HSPG2: variants seen among roughly 807,000 people sequenced by gnomAD.
The protein encoded by HSPG2 is heparan sulfate proteoglycan 2.
Under a neutral mutation model 526.6 loss-of-function variants are expected in HSPG2, and 278 were observed. The observed-to-expected ratio is 0.53, with a 90% CI of 0.48 to 0.58. HSPG2 has a LOEUF of 0.58. Among genes scored for constraint, HSPG2 ranks in the 20% least tolerant of loss-of-function variants. HSPG2 has a pLI of 0.00. For synonymous variants in HSPG2, 2,465 were observed against 2,555.4 expected (o/e 0.96, Z 1.07); for missense variants, 5,354 against 6,099.5 (o/e 0.88, Z 4.07).
intron 25 of HSPG2, 86 bp from the exon 26 acceptor site, chr1:21,875,088 G>A (rs1418183123): frequency 1.0e-6 from 1 of 981,436 alleles, no homozygotes; most frequent in Non-Finnish European, 1.6e-6. Flanking sequence ...GGTCTTATTA[G>A]TCCTCCCGAC....
At chr1:21,871,256 T>G (rs1403680016) in intron 33 of HSPG2, among the ~76,000 whole-genome samples, 10 of 89,232 alleles carry the variant, frequency 1.1e-4, no homozygotes, top group African/African-American at 3.6e-4. Context: ...GGCAGAGTAT[T>G]TGTTTTTTTT....
At position 21,833,514 on chromosome 1, in the gene HSPG2, G is replaced by A. The variant is rs1391432871; in HGVS notation, c.10931C>T (p.Thr3644Ile). 19 of 1,614,210 alleles carry A rather than the reference G, an allele frequency of 1.2e-5. No individual in the cohort carries two copies. The highest frequency in any genetic ancestry group is 1.6e-5 in the Non-Finnish European group (19 of 1,180,022). The change falls in exon 79 of 97, where the codon ACT becomes ATT. Residue 3644 changes from threonine to isoleucine, a missense_variant. Physicochemically the swap from Thr to Ile is moderately conservative, Grantham distance 89. Transcript: ENST00000374695. ...GGCTTTGACCTTGCCCTGGCGGTTA[G>A]TGGCGGTGCAGACGTAGGTACCTGC... ...QDAGTYVCTA[T>I]NRQGKVKAFA...
At chr1:21,881,235 T>A in intron 14 of HSPG2, 104 bp downstream of exon 14, 1 of 1,370,688 alleles carries the variant, frequency 7.3e-7, no homozygotes, top group Non-Finnish European at 1.0e-6. Flanking sequence ...CGGGGCATGG[T>A]AACACCTTTC....
intron 1 of HSPG2, among the ~76,000 whole-genome samples, chr1:21,923,677 T>G (rs954812544): frequency 6.6e-6 from 1 of 152,208 alleles, no homozygotes; most frequent in Non-Finnish European, 1.5e-5. Context: ...CCTGAAATCC[T>G]GCTATAGTCC....
intron 50 of HSPG2, among the ~76,000 whole-genome samples, 197 bp downstream of exon 50, chr1:21,853,996 A>T (rs1639128003): frequency 6.6e-6 from 1 of 152,134 alleles, no homozygotes; most frequent in Non-Finnish European, 1.5e-5. Context: ...ACAGTCACTC[A>T]TAGGGAGCCC....
At chr1:21,884,217 G>A (rs989047145) in intron 13 of HSPG2, among the ~76,000 whole-genome samples, 2 of 152,264 alleles carry the variant, frequency 1.3e-5, no homozygotes, top group East Asian at 3.9e-4. Flanking sequence ...AAACAGACAC[G>A]AGATAGTGGG....
At chr1:21,922,606 C>A (rs1557833517) in intron 1 of HSPG2, among the ~76,000 whole-genome samples, 1 of 152,108 alleles carries the variant, frequency 6.6e-6, no homozygotes, top group African/African-American at 2.4e-5. Flanking sequence ...CCTGTCAGGG[C>A]ACAAGGTGGG....
intron 1 of HSPG2, among the ~76,000 whole-genome samples, chr1:21,925,347 T>C (rs1644159226): frequency 6.6e-6 from 1 of 152,214 alleles, no homozygotes; most frequent in South Asian, 2.1e-4. Context: ...GGGACCTGGA[T>C]GTAGATTTCA....
chr1:21,916,373 C>T (rs572553318), intron 1 of HSPG2, among the ~76,000 whole-genome samples: 2 of 152,020 alleles, frequency 1.3e-5, no homozygotes, highest in South Asian at 2.1e-4. Flanking sequence ...GGCGTGGTGG[C>T]GTGCACCTGT....
intron 33 of HSPG2, among the ~76,000 whole-genome samples, chr1:21,867,966 G>A (rs1448633772): frequency 6.6e-6 from 1 of 152,006 alleles, no homozygotes; most frequent in African/African-American, 2.4e-5. Context: ...CTGTCCTCAG[G>A]TGTTCTGCCT....
chr1:21,836,654 C>G, intron 75 of HSPG2, 148 bp downstream of exon 75: 1 of 729,798 alleles, frequency 1.4e-6, no homozygotes, highest in Non-Finnish European at 2.4e-6. Flanking sequence ...CACTGTACAG[C>G]TGAGAACACT....
chr1:21,855,847 G>C lies in HSPG2; in HGVS notation c.5641C>G (p.Gln1881Glu), dbSNP rs1300829806. The change falls in exon 45 of 97, where the codon CAA (glutamine) becomes GAA (glutamate). Residue 1881 changes from glutamine (Q) to glutamate (E), a missense_variant. Coordinates refer to ENST00000374695, the MANE Select transcript of HSPG2 (RefSeq NM_005529.7). ...GCGCTGCAGCGGAACTCCGCCAGTTGCCCGGGCTGCACTGTGAGCTGTGGC... is the reference window on the plus strand; with the variant it reads ...GCGCTGCAGCGGAACTCCGCCAGTTCCCCGGGCTGCACTGTGAGCTGTGGC... ...HPPQLTVQPG[Q>E]LAEFRCSATG... 1 of 1,613,062 alleles carries C rather than the reference G, an allele frequency of 6.2e-7. No individual in the cohort carries two copies.
rs2290500 is a variant in HSPG2 at position 21,850,338 on chromosome 1, C to T, written c.7294+25G>A. 289,531 of 1,600,766 alleles carry T rather than the reference C, an allele frequency of 0.18. 27,090 individuals carry two copies. Among genetic ancestry groups the T allele is most frequent in the South Asian group, 0.27 (23,759 of 89,604 alleles). The stretch of plus-strand genomic sequence containing the variant: ...GGGCCTCCCACCCTGGGTCCCCAGC[C>T]CTGCCCTCCCTGAGAGCTACTCACC... On this transcript the variant is annotated intron_variant, in intron 56 of 96. Transcript: ENST00000374695.
At chr1:21,846,625 G>A (rs368861723) in intron 62 of HSPG2, 26 bp from the exon 63 acceptor site, 81 of 1,613,024 alleles carry the variant, frequency 5.0e-5, no homozygotes, top group Middle Eastern at 4.9e-4. Context: ...TCAGTGAGTC[G>A]GCACAGCCGT....
At position 21,878,652 on chromosome 1, in the gene HSPG2, G is replaced by C. The variant is rs1473241885; in HGVS notation, c.2483C>G (p.Thr828Ser). 2 of 1,614,012 alleles carry C rather than the reference G, an allele frequency of 1.2e-6. No homozygotes were observed. Among genetic ancestry groups the C allele is most frequent in the Non-Finnish European group, 1.7e-6 (2 of 1,180,002 alleles). ...TTGGCCATCCGTGTCCAGGAAGCAA[G>C]TGTCTGAGAATCTGCAGGTATCAAG... ...YIDASRRFSDTCFLDTDGQAT... is the reference protein window; with the variant it reads ...YIDASRRFSDSCFLDTDGQAT... The change falls in exon 19 of 97, where the codon ACT becomes AGT. Residue 828 changes from threonine to serine, a missense_variant. Physicochemically the swap from Thr to Ser is moderately conservative, Grantham distance 58 (BLOSUM62 1). Coordinates refer to ENST00000374695, the MANE Select transcript of HSPG2 (RefSeq NM_005529.7).
chr1:21,929,911 G>A (rs1437429849), intron 1 of HSPG2, among the ~76,000 whole-genome samples: 2 of 152,060 alleles, frequency 1.3e-5, no homozygotes, highest in Non-Finnish European at 2.9e-5. Flanking sequence ...CCTGGGTCAC[G>A]GCCTCCTTGC....
At position 21,829,785 on chromosome 1, in the gene HSPG2, G is replaced by A. The variant is rs2097994221; in HGVS notation, c.11771-181C>T. ...CCTGCCCTTGCACACGGGGCTGGGAGGAGCTCCAATATGACAGGGGTCCTC... is the reference window on the plus strand; with the variant it reads ...CCTGCCCTTGCACACGGGGCTGGGAAGAGCTCCAATATGACAGGGGTCCTC... On this transcript the variant is annotated intron_variant, in intron 86 of 96. Coordinates refer to ENST00000374695, the MANE Select transcript of HSPG2 (RefSeq NM_005529.7). 4.3e-6 allele frequency: 3 copies of A among 704,574 alleles called. No homozygotes were observed. The South Asian group carries it at 5.4e-5, about 13-fold the overall frequency. The allele number at this position is 704,574 out of a possible 1,614,324, so 43.6% of individuals were successfully genotyped here.
rs573835318 is a variant in HSPG2 at position 21,855,444 on chromosome 1, C to G, written c.5857G>C (p.Gly1953Arg). 1.1e-5 allele frequency: 18 copies of G among 1,613,058 alleles called. No homozygotes were observed. Residue 1953 changes from glycine (G) to arginine (R), a missense_variant and splice_region_variant, in exon 47 of 97, where the codon GGC becomes CGC. Gly to Arg is a moderately radical substitution (Grantham distance 125). Transcript: ENST00000374695. ...VARAVLHVHG[G>R]GGPRVQVSPE... is the part of the protein sequence containing the mutation. ...CTCACTTGGACTCTGGGCCCACCGC[C>G]CCCTGCAGACAGAGTCCTGTGAGAA...
intron 1 of HSPG2, among the ~76,000 whole-genome samples, chr1:21,926,650 C>G (rs986673674): frequency 6.7e-6 from 1 of 150,210 alleles, no homozygotes; most frequent in East Asian, 2.0e-4. Flanking sequence ...ATCCCTGCTA[C>G]CAGGGAGGCT....
Sources: allele counts gnomAD v4.1 joint callset (sites outside exome capture counted in the v4.1 genomes callset), GRCh38; gene constraint gnomAD v4.1.1; transcripts MANE v1.5; gene names NCBI Gene and HGNC (gene_info 2026-07-23, HGNC 2026-07-21).